Variants in PAPSS1 observed in about 807,000 individuals in gnomAD.
The protein encoded by PAPSS1 is bifunctional 3'-phosphoadenosine 5'-phosphosulfate synthase 1.
In PAPSS1, 50 loss-of-function variants were observed where a neutral mutation model predicts 72.0. That is an observed-to-expected ratio of 0.69 (90% CI 0.55 to 0.88). PAPSS1 has a LOEUF of 0.88. PAPSS1 is among the 40% of genes least tolerant of loss of function. The pLI is 0.00. For missense variants in PAPSS1, 657 were observed against 782.2 expected (o/e 0.84, Z 1.91); for synonymous variants, 261 against 263.6 (o/e 0.99, Z 0.09).
chr4:107,685,947 T>A (rs1722772134), intron 4 of PAPSS1, among the ~76,000 whole-genome samples: 1 of 152,254 alleles, frequency 6.6e-6, no homozygotes, highest in South Asian at 2.1e-4. Context: ...GACTCACTGA[T>A]CCCTAAACAA....
intron 11 of PAPSS1, among the ~76,000 whole-genome samples, chr4:107,615,996 A>G (rs1725810678): frequency 6.6e-6 from 1 of 152,162 alleles, no homozygotes; most frequent in South Asian, 2.1e-4. Flanking sequence ...TGAGAAATAA[A>G]TGTTTGTCAT....
chr4:107,670,984 G>A (rs1031060967), intron 5 of PAPSS1, among the ~76,000 whole-genome samples: 2 of 152,212 alleles, frequency 1.3e-5, no homozygotes, highest in African/African-American at 4.8e-5. Flanking sequence ...CACAGAACTG[G>A]AGTTGTGGTA....
intron 1 of PAPSS1, among the ~76,000 whole-genome samples, chr4:107,710,466 G>C (rs1470339018): frequency 1.3e-5 from 2 of 152,108 alleles, no homozygotes; most frequent in Non-Finnish European, 2.9e-5. Context: ...CTAGAAAGTA[G>C]GTCAAGGACT....
intron 1 of PAPSS1, 122 bp from the exon 2 acceptor site, chr4:107,701,407 GT>G (rs373570195): frequency 0.011 from 5,683 of 499,824 alleles, 64 homozygotes; most frequent in African/African-American, 0.057. Context: ...AGATAAAACA[GT>G]TTTTTTTTTT....
intron 5 of PAPSS1, among the ~76,000 whole-genome samples, chr4:107,676,164 G>A (rs2110332924): frequency 6.6e-6 from 1 of 152,248 alleles, no homozygotes; most frequent in African/African-American, 2.4e-5. Context: ...ATTCAACACA[G>A]TGTTGGAAGT....
In PAPSS1 at chr4:107,656,887, A is replaced by C; in HGVS notation, c.895+9T>G. 6.6e-7 allele frequency: 1 copy of C among 1,513,022 alleles called. No homozygotes were observed. The allele number at this position is 1,513,022 out of a possible 1,614,324, so 93.7% of individuals were successfully genotyped here. A position where few individuals can be genotyped will look rare whatever the true frequency, so the allele number is the denominator to read the frequency against. On this transcript the variant is annotated intron_variant, in intron 7 of 11. Coordinates refer to ENST00000265174, the MANE Select transcript of PAPSS1 (RefSeq NM_005443.5). ...CATACAATATAATTTTGAATGTAAA[A>C]TGTCTTACCATCCAGAAGACAATCA... is the stretch of plus-strand genomic sequence containing the variant.
chr4:107,658,065 C>T (rs964715782), intron 6 of PAPSS1, among the ~76,000 whole-genome samples: 3 of 152,030 alleles, frequency 2.0e-5, no homozygotes, highest in African/African-American at 7.2e-5. Context: ...GGAATCTTTC[C>T]AAGATTAACA....
intron 1 of PAPSS1, among the ~76,000 whole-genome samples, chr4:107,708,970 C>T (rs1048902711): frequency 5.9e-5 from 9 of 152,210 alleles, no homozygotes; most frequent in African/African-American, 1.7e-4. Context: ...AAGTCAAATG[C>T]TGAGCTATAA....
chr4:107,652,839 T>A (rs1726884441), intron 9 of PAPSS1, among the ~76,000 whole-genome samples: 1 of 152,168 alleles, frequency 6.6e-6, no homozygotes, highest in South Asian at 2.1e-4. Flanking sequence ...ATGAATTGTT[T>A]TGAGAAGTAT....
intron 11 of PAPSS1, among the ~76,000 whole-genome samples, chr4:107,621,514 T>G (rs754166455): frequency 6.7e-6 from 1 of 149,666 alleles, no homozygotes; most frequent in African/African-American, 2.4e-5. Context: ...GGGCACTTAC[T>G]CCATTTACCC....
intron 11 of PAPSS1, among the ~76,000 whole-genome samples, chr4:107,627,349 A>T (rs981905270): frequency 4.1e-4 from 63 of 152,190 alleles, no homozygotes; most frequent in Non-Finnish European, 7.6e-4. Context: ...TAGCAACTTA[A>T]GGAAGTTAAT....
intron 5 of PAPSS1, among the ~76,000 whole-genome samples, chr4:107,678,210 A>G (rs956220560): frequency 6.7e-6 from 1 of 150,138 alleles, no homozygotes; most frequent in Non-Finnish European, 1.5e-5. Context: ...TCAAGTTGCC[A>G]TTTAAGTATT....
intron 1 of PAPSS1, 24 bp downstream of exon 1, chr4:107,720,096 G>T: frequency 6.3e-7 from 1 of 1,598,324 alleles, no homozygotes; most frequent in Non-Finnish European, 8.5e-7. Context: ...GCTCCTCGCC[G>T]TCTCGCCTTC....
chr4:107,632,379 T>C (rs1726244681), intron 10 of PAPSS1, among the ~76,000 whole-genome samples: 2 of 152,006 alleles, frequency 1.3e-5, no homozygotes, highest in African/African-American at 2.4e-5. Flanking sequence ...CTTTTCTGTA[T>C]ATTATACTTT....
chr4:107,682,448 A>C (rs1174589681), intron 4 of PAPSS1, among the ~76,000 whole-genome samples: 1 of 152,186 alleles, frequency 6.6e-6, no homozygotes, highest in Non-Finnish European at 1.5e-5. Context: ...TGCCTTGTTT[A>C]TTTTCGCTGG....
chr4:107,692,408 A>G (rs1313131456), intron 3 of PAPSS1, among the ~76,000 whole-genome samples: 1 of 152,230 alleles, frequency 6.6e-6, no homozygotes, highest in Non-Finnish European at 1.5e-5. Flanking sequence ...TGATCATTAG[A>G]TAAATGCAAA....
At position 107,703,847 on chromosome 4, in the gene PAPSS1, C is replaced by T. The variant is rs564961095; in HGVS notation, c.61-2562G>A. Among the ~76,000 whole-genome samples, 3 of 152,224 alleles carry T rather than the reference C, an allele frequency of 2.0e-5. No homozygotes were observed. The East Asian group carries it at 5.8e-4, about 29-fold the overall frequency. On this transcript the variant is annotated intron_variant, in intron 1 of 11. Transcript: ENST00000265174. Reference sequence around the variant, plus strand: ...TGGTTATCTGGGGTCTTTTGTGGTTCCATACAAATTTTAGAACTGCTTTTT... The same window carrying T: ...TGGTTATCTGGGGTCTTTTGTGGTTTCATACAAATTTTAGAACTGCTTTTT...
chr4:107,628,183 C>G (rs1435226126), intron 11 of PAPSS1, among the ~76,000 whole-genome samples: 1 of 152,160 alleles, frequency 6.6e-6, no homozygotes, highest in South Asian at 2.1e-4. Flanking sequence ...TACAGTTCAT[C>G]GCTCAGAAAA....
chr4:107,613,771 C>T lies in PAPSS1; in HGVS notation c.*478G>A, dbSNP rs1725751051. The T allele has an allele frequency of 6.6e-6, 1 of 152,010 alleles. No individual in the cohort carries two copies. The highest frequency in any genetic ancestry group is 1.5e-5 in the Non-Finnish European group (1 of 68,036). 9.4% of individuals were successfully genotyped at this position (152,010 alleles called of 1,614,324 possible). A position where few individuals can be genotyped will look rare whatever the true frequency, so the allele number is the denominator to read the frequency against. ...AACAGCTGGAAAGACCAATAGCTGA[C>T]TGGAAAGAAGAAAGGAAGCAGTTTC... On this transcript the variant is annotated 3_prime_UTR_variant, in exon 12 of 12. Coordinates refer to ENST00000265174, the MANE Select transcript of PAPSS1 (RefSeq NM_005443.5).
Sources: gnomAD v4.1 joint callset for allele counts (sites outside exome capture counted in the v4.1 genomes callset) on GRCh38, gnomAD v4.1.1 for gene constraint, MANE v1.5 for transcripts, NCBI Gene and HGNC (gene_info 2026-07-23, HGNC 2026-07-21) for gene names.